The following GRM8 variants were observed in gnomAD, a reference collection of about 807,000 sequenced individuals.
GRM8 encodes the protein glutamate metabotropic receptor 8.
GRM8 carries 47 observed loss-of-function variants against 87.2 expected under a neutral mutation model. The observed-to-expected ratio is 0.54, with a 90% CI of 0.43 to 0.69. The LOEUF (loss-of-function observed/expected upper bound fraction) is 0.69, where lower values mean the gene tolerates loss of function less well. GRM8 is among the 30% of genes least tolerant of loss of function. The pLI is 0.00. For synonymous variants in GRM8, 396 were observed against 404.5 expected (o/e 0.98, Z 0.25); for missense variants, 1,019 against 1,139.2 (o/e 0.89, Z 1.52).
At chr7:126,844,565 C>T (rs537115845) in intron 6 of GRM8, among the ~76,000 whole-genome samples, 2 of 152,246 alleles carry the variant, frequency 1.3e-5, no homozygotes, top group South Asian at 2.1e-4. Context: ...TAGTCACTTG[C>T]TGTCTGTTTG....
At chr7:126,719,171 T>C (rs1812093939) in intron 7 of GRM8, among the ~76,000 whole-genome samples, 1 of 152,196 alleles carries the variant, frequency 6.6e-6, no homozygotes, top group Non-Finnish European at 1.5e-5. Context: ...CTTTGCAAAG[T>C]TATCATAAAA....
At chr7:127,040,229 C>T (rs142571520) in intron 3 of GRM8, among the ~76,000 whole-genome samples, 13 of 152,118 alleles carry the variant, frequency 8.5e-5, no homozygotes, top group Non-Finnish European at 1.6e-4. Context: ...GCTGAGTCAG[C>T]AACCAAGAAC....
chr7:126,548,831 A>T (rs1423634833), intron 8 of GRM8, among the ~76,000 whole-genome samples: 1 of 152,214 alleles, frequency 6.6e-6, no homozygotes, highest in Non-Finnish European at 1.5e-5. Context: ...GGGCAGAAGT[A>T]CTAGGGGCTG....
At chr7:127,245,996 G>T (rs958733955) in intron 1 of GRM8, among the ~76,000 whole-genome samples, 5 of 152,056 alleles carry the variant, frequency 3.3e-5, no homozygotes, top group African/African-American at 9.7e-5. Flanking sequence ...TTCTGTATTT[G>T]CCCAGTTGGT....
At chr7:126,846,301 C>T (rs1796707263) in intron 6 of GRM8, among the ~76,000 whole-genome samples, 1 of 152,164 alleles carries the variant, frequency 6.6e-6, no homozygotes, top group Non-Finnish European at 1.5e-5. Flanking sequence ...AAGCATTTAT[C>T]AATAAAACCA....
chr7:127,155,263 A>G (rs527391270), intron 2 of GRM8, among the ~76,000 whole-genome samples: 1 of 152,298 alleles, frequency 6.6e-6, no homozygotes, highest in African/African-American at 2.4e-5. Context: ...GCACCGAGCA[A>G]GATACATCCA....
chr7:126,792,998 A>T (rs1821528574), intron 6 of GRM8, among the ~76,000 whole-genome samples: 3 of 152,160 alleles, frequency 2.0e-5, no homozygotes. Context: ...ATACAACTTA[A>T]ACTGCAGAAC....
At chr7:126,822,363 G>T (rs2130192395) in intron 6 of GRM8, among the ~76,000 whole-genome samples, 1 of 152,204 alleles carries the variant, frequency 6.6e-6, no homozygotes, top group East Asian at 1.9e-4. Context: ...CTTTACACAT[G>T]CATTTAGCTG....
intron 2 of GRM8, among the ~76,000 whole-genome samples, chr7:127,159,158 C>T (rs1327918786): frequency 2.0e-5 from 3 of 152,168 alleles, no homozygotes; most frequent in East Asian, 1.9e-4. Context: ...TCATCTCTCC[C>T]GGGTATTCTC....
At chr7:126,524,893 C>A (rs1813595602) in intron 9 of GRM8, among the ~76,000 whole-genome samples, 1 of 152,050 alleles carries the variant, frequency 6.6e-6, no homozygotes, top group Admixed American at 6.5e-5. Flanking sequence ...TCAATATTTT[C>A]TTGATTCACT....
At chr7:127,158,529 G>A (rs10254810) in intron 2 of GRM8, among the ~76,000 whole-genome samples, 39,158 of 152,072 alleles carry the variant, frequency 0.26, 6,186 homozygotes, top group African/African-American at 0.44. Context: ...TCAAAGGCAG[G>A]GACGTCCAAG....
intron 2 of GRM8, among the ~76,000 whole-genome samples, chr7:127,237,149 T>C (rs1798028367): frequency 6.6e-6 from 1 of 152,224 alleles, no homozygotes; most frequent in African/African-American, 2.4e-5. Flanking sequence ...TCTCTGTAGC[T>C]GGGAGTTTAA....
chr7:126,929,179 C>A (rs1443289068), intron 3 of GRM8, among the ~76,000 whole-genome samples: 1 of 152,152 alleles, frequency 6.6e-6, no homozygotes, highest in Non-Finnish European at 1.5e-5. Context: ...CATATTAATT[C>A]TATAAGCATA....
At chr7:126,733,909 A>G (rs1398175887) in intron 7 of GRM8, among the ~76,000 whole-genome samples, 3 of 152,058 alleles carry the variant, frequency 2.0e-5, no homozygotes, top group Non-Finnish European at 2.9e-5. Flanking sequence ...TTAGACATGT[A>G]AAAGAAATAA....
At chr7:126,671,309 A>G (rs192983997) in intron 7 of GRM8, among the ~76,000 whole-genome samples, 8 of 152,336 alleles carry the variant, frequency 5.3e-5, no homozygotes, top group African/African-American at 1.9e-4. Flanking sequence ...AAAAGGTCTT[A>G]TCTAAGATTC....
chr7:127,126,314 C>A (rs2133203715), intron 2 of GRM8, among the ~76,000 whole-genome samples: 1 of 152,010 alleles, frequency 6.6e-6, no homozygotes, highest in South Asian at 2.1e-4. Flanking sequence ...AATAATGAAG[C>A]ATGTCTTTTG....
intron 3 of GRM8, among the ~76,000 whole-genome samples, chr7:127,058,920 A>G (rs1820291977): frequency 6.6e-6 from 1 of 152,154 alleles, no homozygotes; most frequent in Non-Finnish European, 1.5e-5. Flanking sequence ...TCAGTGTGTG[A>G]CCTCTCTTTC....
intron 6 of GRM8, among the ~76,000 whole-genome samples, chr7:126,814,083 T>G (rs1467240962): frequency 6.6e-6 from 1 of 152,086 alleles, no homozygotes; most frequent in African/African-American, 2.4e-5. Context: ...ACTGGTTATC[T>G]ATCTATGAAC....
rs541196351 is a variant in GRM8 at position 126,650,595 on chromosome 7, G to T, written c.1358-41097C>A. ...GCTGTAGCCAGTGGTTTGGCTGGAT[G>T]GTCAGGGACTTGGAAGAAGCATGAT... On this transcript the variant is annotated intron_variant, in intron 7 of 10. Transcript: ENST00000339582. 5.3e-5 allele frequency among the ~76,000 whole-genome samples: 8 copies of T among 152,164 alleles called. 1 individual carries two copies. In the East Asian group the frequency reaches 1.5e-3, roughly 29 times the overall value.
Sources: gnomAD v4.1 joint callset for allele counts (sites outside exome capture counted in the v4.1 genomes callset) on GRCh38, gnomAD v4.1.1 for gene constraint, MANE v1.5 for transcripts, NCBI Gene and HGNC (gene_info 2026-07-23, HGNC 2026-07-21) for gene names.